Variants in CELSR2 observed in about 807,000 individuals in gnomAD.
CELSR2 encodes cadherin EGF LAG seven-pass G-type receptor 2, also known as EGF-like protein 2.
CELSR2 carries 81 observed loss-of-function variants against 251.6 expected under a neutral mutation model. The ratio of observed to expected loss-of-function variants is 0.32; its 90% CI spans 0.27 to 0.39. The LOEUF is 0.39. CELSR2 is among the 10% of genes least tolerant of loss of function. CELSR2 has a pLI of 1.00. For missense variants in CELSR2, 3,365 were observed against 3,947.7 expected, an observed-to-expected ratio of 0.85 and a Z score of 3.96; for synonymous variants, 1,721 against 1,670.5, an observed-to-expected ratio of 1.03 and a Z score of -0.74.
chr1:109,258,584 G>T lies in CELSR2; in HGVS notation c.3463G>T (p.Ala1155Ser). 6.3e-7 allele frequency: 1 copy of T among 1,595,654 alleles called. No individual in the cohort carries two copies. The highest frequency in any genetic ancestry group is 1.1e-5 in the South Asian group (1 of 88,378). The change falls in exon 2 of 34, where the codon GCC (alanine) becomes TCC (serine). Residue 1155 changes from alanine to serine, a missense_variant. By Grantham distance (99) the Ala-to-Ser change is moderately conservative. This residue lies in a region of CELSR2 where 505 missense variants were observed against 660.0 expected (regional missense o/e 0.77). Coordinates refer to ENST00000271332, the MANE Select transcript of CELSR2 (RefSeq NM_001408.3). The part of the protein sequence containing the change: ...LLGLFIQAVA[A>S]TLATPPDHVV... Reference sequence around the variant, plus strand: ...AGGCCTCTTCATCCAGGCGGTGGCCGCCACGCTGGCCACGCCACCGGACCA... The same window carrying T: ...AGGCCTCTTCATCCAGGCGGTGGCCTCCACGCTGGCCACGCCACCGGACCA...
chr1:109,271,240 G>C lies in CELSR2; in HGVS notation c.7620G>C (p.Leu2540=). Residue 2540 remains leucine, a synonymous_variant, in exon 26 of 34, where the codon CTG becomes CTC. Transcript: ENST00000271332. ...AGATGAGTGTCTTCCTGTACATCCT[G>C]GCGGCCCGGGCCTCCTGTGCTGCCC... ...AVSMSVFLYI[L]AARASCAAQR... The C allele has an allele frequency of 1.2e-6, 2 of 1,614,036 alleles. No homozygotes were observed. The highest frequency in any genetic ancestry group is 1.7e-6 in the Non-Finnish European group (2 of 1,180,024).
chr1:109,254,843 C>A (rs930198850), intron 1 of CELSR2, among the ~76,000 whole-genome samples: 27 of 152,328 alleles, frequency 1.8e-4, no homozygotes, highest in African/African-American at 6.3e-4. Flanking sequence ...ACTTCAGTTT[C>A]CCCTCCAGGA....
At position 109,249,738 on chromosome 1, in the gene CELSR2, C is replaced by T. The variant is rs943886640; in HGVS notation, c.-342C>T. On this transcript the variant is annotated 5_prime_UTR_variant, in exon 1 of 34. Coordinates refer to ENST00000271332, the MANE Select transcript of CELSR2 (RefSeq NM_001408.3). ...CGATCCCATAGGGGCGGAGGGGGCA[C>T]CCCGGCTCCGGAACCCGGGGCCCGG... is the stretch of plus-strand genomic sequence containing the variant. Among the ~76,000 whole-genome samples, 19 of 149,174 alleles carry T rather than the reference C, an allele frequency of 1.3e-4. No homozygotes were observed. Among genetic ancestry groups the T allele is most frequent in the African/African-American group, 4.6e-4 (19 of 41,162 alleles).
rs1398953545 is a variant in CELSR2 at position 109,250,130 on chromosome 1, G to C, written c.51G>C (p.Leu17=). Residue 17 remains leucine (L), a synonymous_variant, in exon 1 of 34, where the codon CTG becomes CTC. Transcript: ENST00000271332. The surrounding 1 kb of genome is among the most constrained non-coding windows in gnomAD (Gnocchi z 4.4). ...CCCTCCCAACGCCGCCGCCGCCGCTGCTGCTGCTGTTGCTGCTGCTGCTGC... is the reference window on the plus strand; with the variant it reads ...CCCTCCCAACGCCGCCGCCGCCGCTCCTGCTGCTGTTGCTGCTGCTGCTGC... The part of the protein sequence containing the change: ...GVPLPTPPPP[L]LLLLLLLLPP... The C allele has an allele frequency of 9.4e-6, 15 of 1,590,916 alleles. No homozygotes were observed. In the Middle Eastern group the frequency reaches 5.3e-4, roughly 56 times the overall value.
Position 109,261,350 on chromosome 1 carries a change from G to T in CELSR2, c.4181+86G>T. On this transcript the variant is annotated intron_variant, in intron 3 of 33. Coordinates refer to ENST00000271332, the MANE Select transcript of CELSR2 (RefSeq NM_001408.3). This position sits in a 1 kb window ranked among gnomAD's most constrained non-coding sequence, Gnocchi z 4.8. ...TTCTGTGGTTGAAGTAAGAGGTCAG[G>T]CAGTGAAAGCGTGGAGCAGGCTGCC... 1 of 1,443,846 alleles carries T rather than the reference G, an allele frequency of 6.9e-7. No homozygotes were observed. The highest frequency in any genetic ancestry group is 9.6e-7 in the Non-Finnish European group (1 of 1,040,674). The allele number at this position is 1,443,846 out of a possible 1,614,324, so 89.4% of individuals were successfully genotyped here.
At position 109,249,619 on chromosome 1, in the gene CELSR2, G is replaced by T. The variant is rs887765987; in HGVS notation, c.-461G>T. ...CGCGGCGACAGGCAGCAGCCGCGGC[G>T]GGGACGCGGGGCGCGAGCGGGCGGC... On this transcript the variant is annotated 5_prime_UTR_variant, in exon 1 of 34. Coordinates refer to ENST00000271332, the MANE Select transcript of CELSR2 (RefSeq NM_001408.3). 6.8e-6 allele frequency among the ~76,000 whole-genome samples: 1 copy of T among 147,114 alleles called. No individual in the cohort carries two copies. The highest frequency in any genetic ancestry group is 1.5e-5 in the Non-Finnish European group (1 of 66,158).
chr1:109,253,224 G>A lies in CELSR2; in HGVS notation c.3145G>A (p.Val1049Ile). Residue 1049 changes from valine (V) to isoleucine (I), a missense_variant, in exon 1 of 34, where the codon GTA becomes ATA. Physicochemically the swap from Val to Ile is conservative, Grantham distance 29. Around this residue, in one of 5 missense-constraint regions of CELSR2, gnomAD observed 505 missense variants for 660.0 expected, o/e 0.77. Transcript: ENST00000271332. ...CTTCCCTGGGGGTGCCATTGGCCGA[G>A]TACCTGCCCATGACCCTGATATCTC... ...SSFPGGAIGR[V>I]PAHDPDISDS... The A allele has an allele frequency of 1.2e-6, 2 of 1,613,518 alleles. No homozygotes were observed. The highest frequency in any genetic ancestry group is 2.2e-5 in the East Asian group (1 of 44,890).
chr1:109,265,633 T>C, intron 13 of CELSR2, 102 bp from the exon 14 acceptor site: 1 of 1,406,692 alleles, frequency 7.1e-7, no homozygotes, highest in South Asian at 1.4e-5. Context: ...TGAGGGGACC[T>C]GAGGTCGGGA....
rs761344207 is a variant in CELSR2 at position 109,264,374 on chromosome 1, C to T, written c.5289+9C>T. Reference sequence around the variant, plus strand: ...TTCGGGGCTGTTTGCAGGTGAGTGTCCTGCCCTGCCCTCCCATCCCCTCCC... The same window carrying T: ...TTCGGGGCTGTTTGCAGGTGAGTGTTCTGCCCTGCCCTCCCATCCCCTCCC... On this transcript the variant is annotated intron_variant, in intron 10 of 33. Coordinates refer to ENST00000271332, the MANE Select transcript of CELSR2 (RefSeq NM_001408.3). 3 of 1,602,092 alleles carry T rather than the reference C, an allele frequency of 1.9e-6. No homozygotes were observed. The South Asian group carries it at 3.3e-5, about 18-fold the overall frequency.
Position 109,259,004 on chromosome 1 carries a change from C to A in CELSR2, c.3883C>A (p.Arg1295=). The A allele has an allele frequency of 6.2e-7, 1 of 1,605,554 alleles. No homozygotes were observed. ...GACCGAGGTGGACCTCTGCTACTCG[C>A]GGCCCTGTGGCCCCCACGGGCGCTG... ...CETEVDLCYS[R]PCGPHGRCRS... Residue 1295 remains arginine (R), a synonymous_variant, in exon 2 of 34, where the codon CGG becomes AGG. Transcript: ENST00000271332.
In CELSR2 at chr1:109,249,603, A is replaced by G. The variant is rs996210855; in HGVS notation, c.-477A>G. On this transcript the variant is annotated 5_prime_UTR_variant, in exon 1 of 34. Coordinates refer to ENST00000271332, the MANE Select transcript of CELSR2 (RefSeq NM_001408.3). ...GGGCTGGGCCCGGGGCCGCGGCGAC[A>G]GGCAGCAGCCGCGGCGGGGACGCGG... Among the ~76,000 whole-genome samples, 17 of 147,952 alleles carry G rather than the reference A, an allele frequency of 1.1e-4. No individual in the cohort carries two copies. The East Asian group carries it at 1.2e-3, about 10-fold the overall frequency.
At position 109,252,332 on chromosome 1, in the gene CELSR2, G is replaced by A. The variant is rs1443997574; in HGVS notation, c.2253G>A (p.Met751Ile). ...TGENARITYF[M>I]EDSIPQFRID... ...AGAATGCCCGCATCACCTACTTCAT[G>A]GAGGACAGCATCCCCCAGTTCCGCA... is the stretch of plus-strand genomic sequence containing the variant. Residue 751 changes from methionine (M) to isoleucine (I), a missense_variant, in exon 1 of 34, where the codon ATG becomes ATA. Physicochemically the swap from Met to Ile is conservative, Grantham distance 10. Coordinates refer to ENST00000271332, the MANE Select transcript of CELSR2 (RefSeq NM_001408.3). This position sits in a 1 kb window ranked among gnomAD's most constrained non-coding sequence, Gnocchi z 4.8. The A allele has an allele frequency of 6.2e-7, 1 of 1,613,006 alleles. No individual in the cohort carries two copies. Among genetic ancestry groups the A allele is most frequent in the Non-Finnish European group, 8.5e-7 (1 of 1,180,028 alleles).
Position 109,262,918 on chromosome 1 carries a change from A to G in CELSR2, c.4657A>G (p.Ser1553Gly). Residue 1553 changes from serine to glycine, a missense_variant, in exon 7 of 34, where the codon AGC becomes GGC. This residue lies in a region of CELSR2 where 2,093 missense variants were observed against 2,382.8 expected (regional missense o/e 0.88). Transcript: ENST00000271332. ...CTGCATGCGGAACCTGCAGGTGGAC[A>G]GCCGGCACATAGACATGGCTGACTT... ...VGCMRNLQVD[S>G]RHIDMADFIA... 1 of 1,613,856 alleles carries G rather than the reference A, an allele frequency of 6.2e-7. No individual in the cohort carries two copies. Among genetic ancestry groups the G allele is most frequent in the South Asian group, 1.1e-5 (1 of 91,086 alleles).
rs372843147 is a variant in CELSR2 at position 109,273,549 on chromosome 1, C to T, written c.8623C>T (p.Arg2875Trp). The change falls in exon 33 of 34, where the codon CGG (arginine) becomes TGG (tryptophan). Residue 2875 changes from arginine (R) to tryptophan (W), a missense_variant. By Grantham distance (101) the Arg-to-Trp change is moderately radical (BLOSUM62 -3). Transcript: ENST00000271332. ...SRGSSASEGS[R>W]GGPPPRPPPR... Reference sequence around the variant, plus strand: ...GGGCTCCTCCGCTAGTGAGGGCAGCCGGGGAGGCCCCCCTCCCCGCCCACC... The same window carrying T: ...GGGCTCCTCCGCTAGTGAGGGCAGCTGGGGAGGCCCCCCTCCCCGCCCACC... 43 of 1,580,764 alleles carry T rather than the reference C, an allele frequency of 2.7e-5. No individual in the cohort carries two copies. The highest frequency in any genetic ancestry group is 1.7e-4 in the Middle Eastern group (1 of 5,962).
At chr1:109,263,859 C>T in intron 9 of CELSR2, 82 bp downstream of exon 9, 1 of 1,526,824 alleles carries the variant, frequency 6.5e-7, no homozygotes. Flanking sequence ...AGTGGCTGGG[C>T]AGGTCCTGGG....
At chr1:109,263,427 G>C (rs1570785401) in intron 8 of CELSR2, among the ~76,000 whole-genome samples, 160 bp downstream of exon 8, 1 of 152,196 alleles carries the variant, frequency 6.6e-6, no homozygotes, top group Non-Finnish European at 1.5e-5. Context: ...GGAGACAAAG[G>C]GGCCAGTCAG....
rs1048794557 is a variant in CELSR2, at chr1:109,250,007, G to A, written c.-73G>A. On this transcript the variant is annotated 5_prime_UTR_variant, in exon 1 of 34. Coordinates refer to ENST00000271332, the MANE Select transcript of CELSR2 (RefSeq NM_001408.3). This position sits in a 1 kb window ranked among gnomAD's most constrained non-coding sequence, Gnocchi z 4.4. Reference sequence around the variant, plus strand: ...GCGCCCTGGCCCGGGCATGAGGCGCGGCGGGGCCGGCAGGAGCCGGAGGAG... The same window carrying A: ...GCGCCCTGGCCCGGGCATGAGGCGCAGCGGGGCCGGCAGGAGCCGGAGGAG... 245 of 1,230,462 alleles carry A rather than the reference G, an allele frequency of 2.0e-4. No individual in the cohort carries two copies. Among genetic ancestry groups the A allele is most frequent in the Non-Finnish European group, 2.4e-4 (239 of 989,066 alleles). The allele number at this position is 1,230,462 out of a possible 1,614,324, so 76.2% of individuals were successfully genotyped here.
rs1287150003 is a variant in CELSR2 at position 109,250,378 on chromosome 1, A to G, written c.299A>G (p.His100Arg). 4 of 1,613,456 alleles carry G rather than the reference A, an allele frequency of 2.5e-6. No individual in the cohort carries two copies. The highest frequency in any genetic ancestry group is 2.7e-5 in the African/African-American group (2 of 74,932). The change falls in exon 1 of 34, where the codon CAT becomes CGT. Residue 100 changes from histidine (H) to arginine (R), a missense_variant. His to Arg is a conservative substitution (Grantham distance 29, BLOSUM62 0). Transcript: ENST00000271332. The surrounding 1 kb of genome is among the most constrained non-coding windows in gnomAD (Gnocchi z 4.4). ...GTTTGGTGTCCAGAATCCGAGGCCCATATTCCCCTACCACCAGCTCCTGAA... is the reference window on the plus strand; with the variant it reads ...GTTTGGTGTCCAGAATCCGAGGCCCGTATTCCCCTACCACCAGCTCCTGAA... ...LRVWCPESEAHIPLPPAPEGC... is the reference protein window; with the variant it reads ...LRVWCPESEARIPLPPAPEGC...
rs769838007 is a variant in CELSR2 at position 109,269,174 on chromosome 1, G to A, written c.6696G>A (p.Arg2232=). ...CCCAGGAGCCAGAGGAGCTGGCACGGCGACAGCGACGGCACCCGGAGCTGA... is the reference window on the plus strand; with the variant it reads ...CCCAGGAGCCAGAGGAGCTGGCACGACGACAGCGACGGCACCCGGAGCTGA... ...GEAQEPEELA[R]RQRRHPELSQ... The change falls in exon 20 of 34, where the codon CGG becomes CGA. Residue 2232 remains arginine, a synonymous_variant. Transcript: ENST00000271332. This position sits in a 1 kb window ranked among gnomAD's most constrained non-coding sequence, Gnocchi z 6.4. 6.2e-7 allele frequency: 1 copy of A among 1,612,182 alleles called. No individual in the cohort carries two copies. The highest frequency in any genetic ancestry group is 1.7e-5 in the Admixed American group (1 of 59,828).
Sources: allele counts gnomAD v4.1 joint callset (sites outside exome capture counted in the v4.1 genomes callset), GRCh38; gene constraint gnomAD v4.1.1; regional missense constraint gnomAD v4.1.1; non-coding constraint Gnocchi (gnomAD v3.1); transcripts MANE v1.5; gene names NCBI Gene and HGNC (gene_info 2026-07-23, HGNC 2026-07-21).